ABCA5: variants seen among roughly 807,000 people sequenced by gnomAD.
The protein encoded by ABCA5 is ATP binding cassette subfamily A member 5, also known as cholesterol transporter ABCA5.
A neutral mutation model predicts 206.0 loss-of-function variants in ABCA5; 163 were observed. The ratio of observed to expected loss-of-function variants is 0.79; its 90% CI spans 0.70 to 0.90. The LOEUF (loss-of-function observed/expected upper bound fraction) is 0.90, where lower values mean the gene tolerates loss of function less well. Among genes scored for constraint, ABCA5 ranks in the 40% least tolerant of loss-of-function variants. The pLI is 0.00. For synonymous variants in ABCA5, 609 were observed against 613.8 expected (o/e 0.99, Z 0.11); for missense variants, 1,859 against 1,912.9 (o/e 0.97, Z 0.53).
chr17:69,257,279 A>G (rs758408646), intron 28 of ABCA5, among the ~76,000 whole-genome samples: 3 of 151,656 alleles, frequency 2.0e-5, no homozygotes, highest in Non-Finnish European at 4.4e-5. Flanking sequence ...GCTGAGGCAG[A>G]AGAATCGTTT....
intron 23 of ABCA5, among the ~76,000 whole-genome samples, chr17:69,267,279 TGAA>T (rs1199683364): frequency 2.0e-5 from 3 of 152,140 alleles, no homozygotes; most frequent in Admixed American, 1.3e-4. Flanking sequence ...AGATCATCCA[TGAA>T]GAAGATCAGA....
Position 69,247,350 on chromosome 17 carries a change from T to G in ABCA5, c.*187A>C. On this transcript the variant is annotated 3_prime_UTR_variant, in exon 39 of 39. Coordinates refer to ENST00000392676, the MANE Select transcript of ABCA5 (RefSeq NM_172232.4). ...AATACAAACATGCAGCTTCACTTAATTATACATACGTTTTATTTAAAGAAA... is the reference window on the plus strand; with the variant it reads ...AATACAAACATGCAGCTTCACTTAAGTATACATACGTTTTATTTAAAGAAA... 3 of 510,534 alleles carry G rather than the reference T, an allele frequency of 5.9e-6. No homozygotes were observed. Among genetic ancestry groups the G allele is most frequent in the Non-Finnish European group, 1.0e-5 (3 of 291,586 alleles). 31.6% of individuals were successfully genotyped at this position (510,534 alleles called of 1,614,324 possible).
At position 69,326,545 on chromosome 17, in the gene ABCA5, T is replaced by C. The variant is rs539312643; in HGVS notation, c.-16+507A>G. On this transcript the variant is annotated intron_variant, in intron 1 of 38. Coordinates refer to ENST00000392676, the MANE Select transcript of ABCA5 (RefSeq NM_172232.4). The surrounding 1 kb of genome is among the most constrained non-coding windows in gnomAD (Gnocchi z 4.8). ...TGTGTCATGAGATCTGCGCATTTTC[T>C]TCTCACTGAAACTCCTTTTAACACG... 3.3e-5 allele frequency among the ~76,000 whole-genome samples: 5 copies of C among 152,362 alleles called. No individual in the cohort carries two copies. The East Asian group carries it at 9.6e-4, about 29-fold the overall frequency.
intron 38 of ABCA5, among the ~76,000 whole-genome samples, 155 bp downstream of exon 38, chr17:69,248,107 C>T: frequency 6.6e-6 from 1 of 152,006 alleles, no homozygotes; most frequent in African/African-American, 2.4e-5. Flanking sequence ...AAGTGAAGAA[C>T]CTAAGGTTGA....
rs746377972 is a variant in ABCA5, at chr17:69,309,266, T to TG, written c.464dup (p.Arg156LysfsTer9). 19 of 1,565,688 alleles carry TG rather than the reference T, an allele frequency of 1.2e-5. No homozygotes were observed. The Admixed American group carries it at 3.2e-4, about 27-fold the overall frequency. On this transcript the variant is annotated frameshift_variant, in exon 4 of 39. Transcript: ENST00000392676. LOFTEE classifies it high-confidence loss of function. ...TGATTATGTAGGGCTATTTACCTCTTGAATCCATATAAATAGAAGATACTG... is the reference window on the plus strand; with the variant it reads ...TGATTATGTAGGGCTATTTACCTCTTGGAATCCATATAAATAGAAGATACTG...
chr17:69,244,703 A>G lies in ABCA5; in HGVS notation c.*2834T>C, dbSNP rs1225155616. On this transcript the variant is annotated 3_prime_UTR_variant, in exon 39 of 39. Coordinates refer to ENST00000392676, the MANE Select transcript of ABCA5 (RefSeq NM_172232.4). ...ATGCCTATTTACATGTTACACAAAA[A>G]TACAGTATGGTATTTTAACAAACTC... 6.6e-6 allele frequency: 1 copy of G among 151,534 alleles called. No individual in the cohort carries two copies. Among genetic ancestry groups the G allele is most frequent in the Non-Finnish European group, 1.5e-5 (1 of 67,764 alleles). The allele number at this position is 151,534 out of a possible 1,614,324, so 9.4% of individuals were successfully genotyped here.
intron 1 of ABCA5, among the ~76,000 whole-genome samples, chr17:69,323,225 G>A (rs775605686): frequency 5.9e-5 from 9 of 152,194 alleles, no homozygotes; most frequent in Non-Finnish European, 1.2e-4. Context: ...ACCGCTGACT[G>A]TGATAAAAGA....
At chr17:69,291,131 T>G (rs2075521632) in intron 12 of ABCA5, 85 bp downstream of exon 12, 1 of 730,768 alleles carries the variant, frequency 1.4e-6, no homozygotes, top group Non-Finnish European at 2.1e-6. Flanking sequence ...GATACAGAAG[T>G]TGGTCCCATT....
chr17:69,290,270 G>A (rs2075511765), intron 12 of ABCA5, among the ~76,000 whole-genome samples: 1 of 152,064 alleles, frequency 6.6e-6, no homozygotes, highest in Non-Finnish European at 1.5e-5. Context: ...AAGCAAGAAA[G>A]TAAAAGCTTG....
At chr17:69,250,362 T>C (rs1415088573) in intron 36 of ABCA5, 110 bp downstream of exon 36, 3 of 836,626 alleles carry the variant, frequency 3.6e-6, no homozygotes, top group Non-Finnish European at 5.3e-6. Context: ...GAGATATATA[T>C]ATATATGGTC....
rs74396789 is a variant in ABCA5 at position 69,281,417 on chromosome 17, G to A, written c.2392+2536C>T. On this transcript the variant is annotated intron_variant, in intron 18 of 38. Coordinates refer to ENST00000392676, the MANE Select transcript of ABCA5 (RefSeq NM_172232.4). ...AGTTATTTAATTCCATTAAGGCCAC[G>A]CACTTTCAATATAAAAGTTTTATTG... 5.2e-3 allele frequency among the ~76,000 whole-genome samples: 784 copies of A among 152,094 alleles called. 6 individuals carry two copies. The highest frequency in any genetic ancestry group is 0.018 in the African/African-American group (749 of 41,514).
At chr17:69,252,198 T>C (rs1040161599) in intron 34 of ABCA5, among the ~76,000 whole-genome samples, 9 of 151,860 alleles carry the variant, frequency 5.9e-5, no homozygotes, top group African/African-American at 2.2e-4. Context: ...GTATTTTTAA[T>C]AGAGACGGGG....
At chr17:69,298,233 A>T (rs139194431) in intron 9 of ABCA5, among the ~76,000 whole-genome samples, 1,871 of 67,678 alleles carry the variant, frequency 0.028, 49 homozygotes, top group Middle Eastern at 0.056. Context: ...GGTAGGTAGG[A>T]AGGAAGGAAG....
intron 1 of ABCA5, among the ~76,000 whole-genome samples, chr17:69,321,407 G>A (rs1462877586): frequency 6.6e-6 from 1 of 152,140 alleles, no homozygotes; most frequent in African/African-American, 2.4e-5. Flanking sequence ...GACTTATCAG[G>A]TGCCTTTTCT....
At chr17:69,274,855 T>TTTTTG (rs1381120268) in intron 19 of ABCA5, among the ~76,000 whole-genome samples, 4 of 143,118 alleles carry the variant, frequency 2.8e-5, no homozygotes, top group Admixed American at 2.8e-4. Flanking sequence ...TTTTTTTTTT[T>TTTTTG]TTTTTTGAGA....
rs1191725991 is a variant in ABCA5, at chr17:69,301,195, G to A, written c.1211C>T (p.Thr404Ile). Residue 404 changes from threonine to isoleucine, a missense_variant, in exon 9 of 39, where the codon ACA becomes ATA. By Grantham distance (89) the Thr-to-Ile change is moderately conservative (BLOSUM62 -1). Coordinates refer to ENST00000392676, the MANE Select transcript of ABCA5 (RefSeq NM_172232.4). ...YPLIITIIML[T>I]LNSIFYVLLA... The stretch of plus-strand genomic sequence containing the variant: ...GAGGACATAGAATATACTATTAAGT[G>A]TGAGCATGATAATTGTAATAATTAG... 1 of 1,600,946 alleles carries A rather than the reference G, an allele frequency of 6.2e-7. No individual in the cohort carries two copies. Among genetic ancestry groups the A allele is most frequent in the African/African-American group, 1.4e-5 (1 of 74,020 alleles).
At chr17:69,282,579 C>T (rs887909894) in intron 18 of ABCA5, among the ~76,000 whole-genome samples, 3 of 152,064 alleles carry the variant, frequency 2.0e-5, no homozygotes, top group African/African-American at 7.2e-5. Context: ...ACCAGCCTGG[C>T]CAACATGGCA....
At position 69,256,105 on chromosome 17, in the gene ABCA5, G is replaced by A. The variant is rs1227040213; in HGVS notation, c.3858+52C>T. 31 of 1,494,686 alleles carry A rather than the reference G, an allele frequency of 2.1e-5. 1 individual carries two copies. In the East Asian group the frequency reaches 3.2e-4, roughly 15 times the overall value. 92.6% of individuals were successfully genotyped at this position (1,494,686 alleles called of 1,614,324 possible). Reference sequence around the variant, plus strand: ...TTTTTCAGATTAATTTCTATATACCGGGAATTGATCATTTCATATTTACTA... The same window carrying A: ...TTTTTCAGATTAATTTCTATATACCAGGAATTGATCATTTCATATTTACTA... On this transcript the variant is annotated intron_variant, in intron 29 of 38. Coordinates refer to ENST00000392676, the MANE Select transcript of ABCA5 (RefSeq NM_172232.4).
rs770301609 is a variant in ABCA5 at position 69,294,665 on chromosome 17, C to G, written c.1485G>C (p.Glu495Asp). ...AGGAAAACTACTTACTTCTCAAAGC[C>G]TCCACATTTTCACCCTTCTTTCTGT... The part of the protein sequence containing the change: ...KTYRKKGENV[E>D]ALRNLSFDIY... Residue 495 changes from glutamate to aspartate, a missense_variant, in exon 11 of 39, where the codon GAG becomes GAC. Transcript: ENST00000392676. 1.2e-6 allele frequency: 2 copies of G among 1,605,978 alleles called. No individual in the cohort carries two copies. Among genetic ancestry groups the G allele is most frequent in the Non-Finnish European group, 1.7e-6 (2 of 1,174,218 alleles).
Sources: gnomAD v4.1 joint callset for allele counts (sites outside exome capture counted in the v4.1 genomes callset) on GRCh38, gnomAD v4.1.1 for gene constraint, Gnocchi (gnomAD v3.1) non-coding constraint, MANE v1.5 for transcripts, NCBI Gene and HGNC (gene_info 2026-07-23, HGNC 2026-07-21) for gene names.